Variants in ARMCX2 observed in about 807,000 individuals in gnomAD.
ARMCX2 encodes the protein armadillo repeat containing X-linked 2, also known as armadillo repeat-containing X-linked protein 2.
A neutral mutation model predicts 17.0 loss-of-function variants in ARMCX2; 2 were observed. The observed-to-expected ratio is 0.12, with a 90% confidence interval of 0.05 to 0.37. The LOEUF is 0.37. Among genes scored for constraint, ARMCX2 ranks in the 10% least tolerant of loss-of-function variants. The probability of loss-of-function intolerance (pLI) is 1.00; values close to 1 mark genes in which losing one functional copy is unlikely to be tolerated. For synonymous variants in ARMCX2, 182 were observed against 195.2 expected (o/e 0.93, Z 0.57); for missense variants, 408 against 497.7 (o/e 0.82, Z 1.72).
In ARMCX2 at chrX:101,657,610, T is replaced by C. The variant is rs2147395066; in HGVS notation, c.-22A>G. On this transcript the variant is annotated 5_prime_UTR_variant, in exon 6 of 6. Transcript: ENST00000356824. ...TCATGGTGCAGCTGGGGTTATTCACTGATCCAGGGCGTGGAACTGGATTGC... is the reference window on the plus strand; with the variant it reads ...TCATGGTGCAGCTGGGGTTATTCACCGATCCAGGGCGTGGAACTGGATTGC... 1 of 1,188,682 alleles carries C rather than the reference T, an allele frequency of 8.4e-7. No homozygotes were observed. Among genetic ancestry groups the C allele is most frequent in the East Asian group, 3.0e-5 (1 of 33,577 alleles).
At position 101,657,432 on chromosome X, in the gene ARMCX2, C is replaced by T; in HGVS notation, c.157G>A (p.Ala53Thr). 1.6e-6 allele frequency: 2 copies of T among 1,212,368 alleles called. No individual in the cohort carries two copies. Residue 53 changes from alanine (A) to threonine (T), a missense_variant, in exon 6 of 6, where the codon GCT becomes ACT. By Grantham distance (58) the Ala-to-Thr change is moderately conservative (BLOSUM62 0). This residue lies in a region of ARMCX2 where 307 missense variants were observed against 326.8 expected (regional missense o/e 0.94). Coordinates refer to ENST00000356824, the MANE Select transcript of ARMCX2 (RefSeq NM_177949.4). ...AATCCGGCTCTTAGCCCAGCTCTAG[C>T]CCTGGCTCCAGTCCCAGCCACAGCC... ...NRAVAGTGAR[A>T]RAGLRAGFTI...
At position 101,659,117 on chromosome X, in the gene ARMCX2, G is replaced by C. The variant is rs1556082744; in HGVS notation, c.-304C>G. ...GGACTGAAAAGACGGGGGGTGAACGGCTGTGTGGGCCGGAGGTGTCTGGAA... is the reference window on the plus strand; with the variant it reads ...GGACTGAAAAGACGGGGGGTGAACGCCTGTGTGGGCCGGAGGTGTCTGGAA... On this transcript the variant is annotated 5_prime_UTR_variant, in exon 3 of 6. Transcript: ENST00000356824. The C allele has an allele frequency of 9.0e-6, 1 of 111,193 alleles. No individual in the cohort carries two copies. The highest frequency in any genetic ancestry group is 2.8e-4 in the East Asian group (1 of 3,530). 9.2% of individuals were successfully genotyped at this position (111,193 alleles called of 1,213,427 possible).
rs782064473 is a variant in ARMCX2, at chrX:101,657,029, G to A, written c.560C>T (p.Ala187Val). ...CTCGGTCACCTCAGTGGGTGCTGCC[G>A]CTTCGGTAGGCACCACTGTCCCAGG... The part of the protein sequence containing the change: ...VPPGTVVPTE[A>V]AAPTEVTEGP... The change falls in exon 6 of 6, where the codon GCG becomes GTG. Residue 187 changes from alanine to valine, a missense_variant. Ala to Val is a moderately conservative substitution (Grantham distance 64). Around this residue, in one of 2 missense-constraint regions of ARMCX2, gnomAD observed 307 missense variants for 326.8 expected, o/e 0.94. Coordinates refer to ENST00000356824, the MANE Select transcript of ARMCX2 (RefSeq NM_177949.4). 5.8e-6 allele frequency: 7 copies of A among 1,209,937 alleles called. No homozygotes were observed. Among genetic ancestry groups the A allele is most frequent in the Admixed American group, 4.3e-5 (2 of 46,079 alleles).
rs148483244 is a variant in ARMCX2, at chrX:101,657,294, C to A, written c.295G>T (p.Ala99Ser). The change falls in exon 6 of 6, where the codon GCC becomes TCC. Residue 99 changes from alanine (A) to serine (S), a missense_variant. This residue lies in a region of ARMCX2 where 307 missense variants were observed against 326.8 expected (regional missense o/e 0.94). Transcript: ENST00000356824. ...GCCTCAGCGCTGGATGCAGCTGGGG[C>A]CACTGCCTCAGCTCCAACTGTGTCC... Reference protein sequence around the residue: ...ALDTVGAEAVAPAASSAEAQS... With the variant: ...ALDTVGAEAVSPAASSAEAQS... 8.3e-7 allele frequency: 1 copy of A among 1,209,388 alleles called. No individual in the cohort carries two copies. Among genetic ancestry groups the A allele is most frequent in the Non-Finnish European group, 1.1e-6 (1 of 893,252 alleles).
At chrX:101,658,333 C>G (rs1556077812) in intron 4 of ARMCX2, 128 bp downstream of exon 4, 1 of 111,545 alleles carries the variant, frequency 9.0e-6, no homozygotes, top group Non-Finnish European at 1.9e-5. Context: ...AAGAAAGGGC[C>G]TGGGGCAAGG....
intron 3 of ARMCX2, among the ~76,000 whole-genome samples, chrX:101,658,812 G>A (rs1053501403): frequency 2.7e-5 from 3 of 110,948 alleles, no homozygotes; most frequent in Non-Finnish European, 5.7e-5. Flanking sequence ...AACGAAGCGG[G>A]AGGGGAGCGG....
rs1841072138 is a variant in ARMCX2, at chrX:101,657,728, G to A, written c.-127-13C>T. ...GCTTAGGCAGGGCCTAGGGGTAAAG[G>A]ATAAAAATGAGGCTTAGGGCTCTGG... On this transcript the variant is annotated splice_polypyrimidine_tract_variant and intron_variant, in intron 5 of 5. Transcript: ENST00000356824. The A allele has an allele frequency of 8.5e-6, 5 of 586,686 alleles. No individual in the cohort carries two copies. Among genetic ancestry groups the A allele is most frequent in the Admixed American group, 3.5e-5 (1 of 28,657 alleles). 48.3% of individuals were successfully genotyped at this position (586,686 alleles called of 1,213,427 possible). A position where few individuals can be genotyped will look rare whatever the true frequency, so the allele number is the denominator to read the frequency against.
rs1024421355 is a variant in ARMCX2 at position 101,659,430 on chromosome X, C to A, written c.-347G>T. ...TACCCTTTCCCAACCTCCCTGCTGGCCTTCTATGCGCTGCCACGTTTATTT... is the reference window on the plus strand; with the variant it reads ...TACCCTTTCCCAACCTCCCTGCTGGACTTCTATGCGCTGCCACGTTTATTT... On this transcript the variant is annotated 5_prime_UTR_variant, in exon 2 of 6. Coordinates refer to ENST00000356824, the MANE Select transcript of ARMCX2 (RefSeq NM_177949.4). The A allele has an allele frequency of 1.8e-5, 2 of 110,002 alleles. No individual in the cohort carries two copies. Among genetic ancestry groups the A allele is most frequent in the Admixed American group, 1.9e-4 (2 of 10,373 alleles). The allele number at this position is 110,002 out of a possible 1,213,427, so 9.1% of individuals were successfully genotyped here.
At chrX:101,659,356 T>G (rs1936517367) in intron 2 of ARMCX2, 63 bp downstream of exon 2, 1 of 109,187 alleles carries the variant, frequency 9.2e-6, no homozygotes, top group Non-Finnish European at 1.9e-5. Flanking sequence ...GGTGGGAGTG[T>G]GCCGCCCAGA....
chrX:101,656,858 G>A lies in ARMCX2; in HGVS notation c.731C>T (p.Ser244Phe). Reference protein sequence around the residue: ...GAAESPGTSGSPRTAVVPGTS... With the variant: ...GAAESPGTSGFPRTAVVPGTS... ...TCCAGGAACCACCGCTGTTCTAGGGGAACCAGAAGTTCCAGGAGACTCTGC... is the reference window on the plus strand; with the variant it reads ...TCCAGGAACCACCGCTGTTCTAGGGAAACCAGAAGTTCCAGGAGACTCTGC... The change falls in exon 6 of 6, where the codon TCC becomes TTC. Residue 244 changes from serine to phenylalanine, a missense_variant. Transcript: ENST00000356824. 8.3e-7 allele frequency: 1 copy of A among 1,211,574 alleles called. No homozygotes were observed. Among genetic ancestry groups the A allele is most frequent in the Non-Finnish European group, 1.1e-6 (1 of 895,420 alleles).
rs1422463502 is a variant in ARMCX2, at chrX:101,656,996, C to T, written c.593G>A (p.Gly198Glu). ...AAPTEVTEGPGVAAPTKVAEA... is the reference protein window; with the variant it reads ...AAPTEVTEGPEVAAPTKVAEA... Reference sequence around the variant, plus strand: ...AGCTACCTTGGTAGGTGCTGCTACCCCAGGACCCTCGGTCACCTCAGTGGG... The same window carrying T: ...AGCTACCTTGGTAGGTGCTGCTACCTCAGGACCCTCGGTCACCTCAGTGGG... Residue 198 changes from glycine to glutamate, a missense_variant, in exon 6 of 6, where the codon GGG becomes GAG. Gly to Glu is a moderately conservative substitution (Grantham distance 98). Coordinates refer to ENST00000356824, the MANE Select transcript of ARMCX2 (RefSeq NM_177949.4). 2 of 1,209,545 alleles carry T rather than the reference C, an allele frequency of 1.7e-6. No individual in the cohort carries two copies. The highest frequency in any genetic ancestry group is 3.5e-5 in the African/African-American group (2 of 57,079).
Position 101,656,434 on chromosome X carries a change from G to A in ARMCX2, c.1155C>T (p.Val385=). Reference sequence around the variant, plus strand: ...AGGCAAGGACCTTCCTGAGATCGCGGACACCCAGAATCTCATCAATTTCAT... The same window carrying A: ...AGGCAAGGACCTTCCTGAGATCGCGAACACCCAGAATCTCATCAATTTCAT... ...FPYEIDEILG[V]RDLRKVLALL... The change falls in exon 6 of 6, where the codon GTC becomes GTT. Residue 385 remains valine, a synonymous_variant. Transcript: ENST00000356824. The A allele has an allele frequency of 8.3e-7, 1 of 1,211,027 alleles. No homozygotes were observed. Among genetic ancestry groups the A allele is most frequent in the South Asian group, 1.8e-5 (1 of 56,908 alleles).
intron 3 of ARMCX2, among the ~76,000 whole-genome samples, chrX:101,658,852 C>T (rs191114562): frequency 9.0e-6 from 1 of 111,126 alleles, no homozygotes; most frequent in Admixed American, 9.5e-5. Flanking sequence ...CTGGATGGGA[C>T]GCGGTATGGG....
rs1936555187 is a variant in ARMCX2, at chrX:101,659,809, G to T, written c.-470C>A. 9.0e-6 allele frequency: 1 copy of T among 111,222 alleles called. No individual in the cohort carries two copies. The highest frequency in any genetic ancestry group is 1.9e-5 in the Non-Finnish European group (1 of 53,031). The allele number at this position is 111,222 out of a possible 1,213,427, so 9.2% of individuals were successfully genotyped here. A position where few individuals can be genotyped will look rare whatever the true frequency, so the allele number is the denominator to read the frequency against. On this transcript the variant is annotated 5_prime_UTR_variant, in exon 1 of 6. Transcript: ENST00000356824. ...CTCCTCCTCCTCGCCTGGGTTAAACGCACGGCAGCGAGCTGCGCAATAGAG... is the reference window on the plus strand; with the variant it reads ...CTCCTCCTCCTCGCCTGGGTTAAACTCACGGCAGCGAGCTGCGCAATAGAG...
At position 101,657,479 on chromosome X, in the gene ARMCX2, C is replaced by G; in HGVS notation, c.110G>C (p.Arg37Thr). 8.2e-7 allele frequency: 1 copy of G among 1,212,166 alleles called. No individual in the cohort carries two copies. The highest frequency in any genetic ancestry group is 1.1e-6 in the Non-Finnish European group (1 of 895,635). ...YTRGRDQTKKRMAKPKNRAVA... is the reference protein window; with the variant it reads ...YTRGRDQTKKTMAKPKNRAVA... Reference sequence around the variant, plus strand: ...AGCCCGGTTTTTGGGCTTGGCCATTCTCTTCTTGGTCTGGTCTCTCCCCCT... The same window carrying G: ...AGCCCGGTTTTTGGGCTTGGCCATTGTCTTCTTGGTCTGGTCTCTCCCCCT... The change falls in exon 6 of 6, where the codon AGA becomes ACA. Residue 37 changes from arginine (R) to threonine (T), a missense_variant. Around this residue, in one of 2 missense-constraint regions of ARMCX2, gnomAD observed 307 missense variants for 326.8 expected, o/e 0.94. Coordinates refer to ENST00000356824, the MANE Select transcript of ARMCX2 (RefSeq NM_177949.4).
rs782572973 is a variant in ARMCX2, at chrX:101,657,086, C to G, written c.503G>C (p.Arg168Thr). Residue 168 changes from arginine to threonine, a missense_variant, in exon 6 of 6, where the codon AGA becomes ACA. Transcript: ENST00000356824. ...CGCTGCCCTGGAAGTCTCCGCTTCT[C>G]TGGGAGCTTCTGCCACTTTGGGAGC... ...AGAPKVAEAP[R>T]EAETSRAAVP... 1 of 1,196,310 alleles carries G rather than the reference C, an allele frequency of 8.4e-7. No homozygotes were observed. Among genetic ancestry groups the G allele is most frequent in the East Asian group, 3.0e-5 (1 of 33,516 alleles).
Position 101,657,367 on chromosome X carries a change from T to C in ARMCX2, c.222A>G (p.Pro74=), listed in dbSNP as rs1353585455. ...DLGSGFSPPT[P]VRAEAEDRAQ... ...CCCTGTCCTCTGCTTCAGCACGGAC[T>C]GGGGTTGGGGGACTGAATCCTGACC... Residue 74 remains proline (P), a synonymous_variant, in exon 6 of 6, where the codon CCA becomes CCG. Coordinates refer to ENST00000356824, the MANE Select transcript of ARMCX2 (RefSeq NM_177949.4). The C allele has an allele frequency of 8.3e-7, 1 of 1,210,835 alleles. No individual in the cohort carries two copies. The highest frequency in any genetic ancestry group is 1.1e-6 in the Non-Finnish European group (1 of 895,295).
At position 101,659,787 on chromosome X, in the gene ARMCX2, C is replaced by G. The variant is rs1389270245; in HGVS notation, c.-448G>C. On this transcript the variant is annotated 5_prime_UTR_variant, in exon 1 of 6. Coordinates refer to ENST00000356824, the MANE Select transcript of ARMCX2 (RefSeq NM_177949.4). Reference sequence around the variant, plus strand: ...CCGAATCTGGGGGAATTTTCTCCTCCTCCTCCTCGCCTGGGTTAAACGCAC... The same window carrying G: ...CCGAATCTGGGGGAATTTTCTCCTCGTCCTCCTCGCCTGGGTTAAACGCAC... The G allele has an allele frequency of 9.0e-6, 1 of 111,415 alleles. No individual in the cohort carries two copies. Among genetic ancestry groups the G allele is most frequent in the African/African-American group, 3.3e-5 (1 of 30,568 alleles). The allele number at this position is 111,415 out of a possible 1,213,427, so 9.2% of individuals were successfully genotyped here.
chrX:101,657,485 T>C lies in ARMCX2; in HGVS notation c.104A>G (p.Lys35Arg). The change falls in exon 6 of 6, where the codon AAG becomes AGG. Residue 35 changes from lysine to arginine, a missense_variant. Physicochemically the swap from Lys to Arg is conservative, Grantham distance 26. Coordinates refer to ENST00000356824, the MANE Select transcript of ARMCX2 (RefSeq NM_177949.4). ...GTTTTTGGGCTTGGCCATTCTCTTCTTGGTCTGGTCTCTCCCCCTGGTGTA... is the reference window on the plus strand; with the variant it reads ...GTTTTTGGGCTTGGCCATTCTCTTCCTGGTCTGGTCTCTCCCCCTGGTGTA... ...YKYTRGRDQT[K>R]KRMAKPKNRA... 8.3e-7 allele frequency: 1 copy of C among 1,212,113 alleles called. No individual in the cohort carries two copies.
Sources: gnomAD v4.1 joint callset for allele counts (sites outside exome capture counted in the v4.1 genomes callset) on GRCh38, gnomAD v4.1.1 for gene constraint, gnomAD v4.1.1 regional missense constraint, MANE v1.5 for transcripts, NCBI Gene and HGNC (gene_info 2026-07-23, HGNC 2026-07-21) for gene names.